MEIS2: variants seen among roughly 807,000 people sequenced by gnomAD.
MEIS2 encodes the protein Meis homeobox 2, also known as homeobox protein Meis2.
Under a neutral mutation model 58.6 loss-of-function variants are expected in MEIS2, and 9 were observed. That is an observed-to-expected ratio of 0.15 (90% CI 0.09 to 0.27). The LOEUF (loss-of-function observed/expected upper bound fraction) is 0.27, where lower values mean the gene tolerates loss of function less well. Ranked by LOEUF, MEIS2 falls within the 10% of genes least tolerant of loss-of-function variation. MEIS2 has a pLI of 1.00. For synonymous variants in MEIS2, 221 were observed against 228.4 expected (o/e 0.97, Z 0.29); for missense variants, 427 against 635.0 (o/e 0.67, Z 3.52).
At chr15:36,941,339 G>T (rs902815421) in intron 9 of MEIS2, among the ~76,000 whole-genome samples, 1 of 152,136 alleles carries the variant, frequency 6.6e-6, no homozygotes, top group Non-Finnish European at 1.5e-5. Flanking sequence ...GAATCCCTGT[G>T]CATCCTTTTA....
At chr15:36,904,166 C>T (rs2056609169) in intron 9 of MEIS2, 1 of 152,068 alleles carries the variant, frequency 6.6e-6, no homozygotes, top group African/African-American at 2.4e-5. Flanking sequence ...ACTTTCTTTC[C>T]TAAGGCAGAA....
intron 8 of MEIS2, among the ~76,000 whole-genome samples, chr15:36,989,133 T>G (rs951341635): frequency 3.3e-5 from 5 of 152,198 alleles, no homozygotes; most frequent in African/African-American, 1.2e-4. Context: ...TTTCCTTCAT[T>G]TGCTGACTCA....
chr15:36,895,185 C>CA lies in MEIS2; in HGVS notation c.1112dup (p.Leu371PhefsTer110), dbSNP rs1263097969. On this transcript the variant is annotated frameshift_variant, in exon 11 of 12. Transcript: ENST00000561208. LOFTEE classifies it high-confidence loss of function. ...GGATCCCCATGTGTTGCTGACCATCCAACACAAAGCTCCCCATGGGCTGAC... is the reference window on the plus strand; with the variant it reads ...GGATCCCCATGTGTTGCTGACCATCCAAACACAAAGCTCCCCATGGGCTGAC... 6.2e-7 allele frequency: 1 copy of CA among 1,614,108 alleles called. No homozygotes were observed. Among genetic ancestry groups the CA allele is most frequent in the Admixed American group, 1.7e-5 (1 of 60,020 alleles).
At chr15:37,040,208 T>C (rs978731972) in intron 7 of MEIS2, among the ~76,000 whole-genome samples, 2 of 152,088 alleles carry the variant, frequency 1.3e-5, no homozygotes, top group Non-Finnish European at 2.9e-5. Flanking sequence ...GGTAAGGAGA[T>C]AGCATCTGAA....
chr15:36,903,437 A>T (rs1363251840), intron 9 of MEIS2, among the ~76,000 whole-genome samples: 1 of 152,230 alleles, frequency 6.6e-6, no homozygotes, highest in Admixed American at 6.5e-5. Flanking sequence ...TACATGATTT[A>T]TTGCAGATGG....
intron 8 of MEIS2, among the ~76,000 whole-genome samples, chr15:36,953,757 A>C (rs2058848977): frequency 6.6e-6 from 1 of 152,196 alleles, no homozygotes; most frequent in Non-Finnish European, 1.5e-5. Context: ...TAGAAAATGT[A>C]TTGTAATTAC....
At chr15:36,892,609 C>A in intron 11 of MEIS2, 150 bp from the exon 12 acceptor site, 1 of 724,188 alleles carries the variant, frequency 1.4e-6, no homozygotes, top group Non-Finnish European at 2.2e-6. Flanking sequence ...CCAATGTTTG[C>A]AGACATTCAA....
chr15:36,915,520 C>A (rs1013470863), intron 9 of MEIS2, among the ~76,000 whole-genome samples: 11 of 152,166 alleles, frequency 7.2e-5, no homozygotes, highest in African/African-American at 2.7e-4. Flanking sequence ...CTGTAAATCC[C>A]TGGCACCAAA....
At chr15:37,012,880 AT>A (rs2061212186) in intron 8 of MEIS2, among the ~76,000 whole-genome samples, 1 of 152,214 alleles carries the variant, frequency 6.6e-6, no homozygotes, top group Non-Finnish European at 1.5e-5. Context: ...CACTTTAGGT[AT>A]ATATTACAGT....
At chr15:36,940,390 A>T (rs2058332482) in intron 9 of MEIS2, among the ~76,000 whole-genome samples, 1 of 152,120 alleles carries the variant, frequency 6.6e-6, no homozygotes, top group Non-Finnish European at 1.5e-5. Context: ...GAAGGGAGAC[A>T]TGACCTCCCT....
chr15:36,982,549 C>T (rs934747229), intron 8 of MEIS2, among the ~76,000 whole-genome samples: 3 of 152,150 alleles, frequency 2.0e-5, no homozygotes, highest in Non-Finnish European at 2.9e-5. Flanking sequence ...CTTTATTCAT[C>T]TGTCAATAGA....
At chr15:36,998,708 C>T (rs1030073887) in intron 8 of MEIS2, among the ~76,000 whole-genome samples, 2 of 152,122 alleles carry the variant, frequency 1.3e-5, no homozygotes, top group African/African-American at 4.8e-5. Flanking sequence ...AAACTATTTT[C>T]GGCCATAAGA....
intron 7 of MEIS2, among the ~76,000 whole-genome samples, chr15:37,039,856 G>T (rs1311037975): frequency 1.3e-5 from 2 of 152,054 alleles, no homozygotes; most frequent in East Asian, 3.8e-4. Flanking sequence ...TCTATAAAAA[G>T]AGGAATTTTC....
intron 7 of MEIS2, among the ~76,000 whole-genome samples, chr15:37,058,535 C>A (rs925166135): frequency 1.3e-5 from 2 of 152,304 alleles, no homozygotes; most frequent in Middle Eastern, 3.4e-3. Context: ...CTCTCACAGA[C>A]GTCTCCGGCA....
chr15:36,902,489 C>T (rs1216929377), intron 9 of MEIS2, among the ~76,000 whole-genome samples: 1 of 152,220 alleles, frequency 6.6e-6, no homozygotes, highest in Non-Finnish European at 1.5e-5. Context: ...TGCTACTTTA[C>T]ATGTGTGCCA....
intron 1 of MEIS2, chr15:37,099,054 C>A (rs1167044890): frequency 3.0e-6 from 3 of 983,908 alleles, no homozygotes; most frequent in South Asian, 4.6e-5. Flanking sequence ...AGCCCGTGCC[C>A]GCCCCGAGCC....
Position 36,958,660 on chromosome 15 carries a change from A to G in MEIS2, c.901-8260T>C, listed in dbSNP as rs537029778. Among the ~76,000 whole-genome samples the G allele has an allele frequency of 2.6e-5, 4 of 152,354 alleles. No individual in the cohort carries two copies. The East Asian group carries it at 7.7e-4, about 29-fold the overall frequency. ...GACTGAGACTTTAAAGCTGAGCACA[A>G]TCTTATTTTGAATATAACAGAAATA... On this transcript the variant is annotated intron_variant, in intron 8 of 11. Transcript: ENST00000561208.
intron 1 of MEIS2, chr15:37,099,208 C>A: frequency 7.1e-7 from 1 of 1,417,312 alleles, no homozygotes; most frequent in Non-Finnish European, 9.2e-7. Flanking sequence ...ACTCGCCGCC[C>A]GCCCGCTCGC....
At chr15:37,012,607 G>A (rs1567180219) in intron 8 of MEIS2, among the ~76,000 whole-genome samples, 1 of 152,162 alleles carries the variant, frequency 6.6e-6, no homozygotes, top group Non-Finnish European at 1.5e-5. Context: ...ATACATGCAT[G>A]TGTGTGCATC....
Sources: allele counts gnomAD v4.1 joint callset (sites outside exome capture counted in the v4.1 genomes callset), GRCh38; gene constraint gnomAD v4.1.1; transcripts MANE v1.5; gene names NCBI Gene and HGNC (gene_info 2026-07-23, HGNC 2026-07-21).